LSM4: variants seen among roughly 807,000 people sequenced by gnomAD.
The protein encoded by LSM4 is U6 snRNA-associated Sm-like protein LSm4.
In LSM4, 15 loss-of-function variants were observed where a neutral mutation model predicts 22.3. That is an observed-to-expected ratio of 0.67 (90% CI 0.45 to 1.03). The LOEUF (loss-of-function observed/expected upper bound fraction) is 1.03, where lower values mean the gene tolerates loss of function less well. LSM4 is among the 50% of genes least tolerant of loss of function. LSM4 has a pLI of 0.00. For missense variants in LSM4, 127 were observed against 198.0 expected (o/e 0.64, Z 2.15); for synonymous variants, 90 against 79.8 (o/e 1.13, Z -0.68).
In LSM4 at chr19:18,312,714, AC is replaced by A; in HGVS notation, c.46-13del. 1 of 1,606,680 alleles carries A rather than the reference AC, an allele frequency of 6.2e-7. No individual in the cohort carries two copies. Among genetic ancestry groups the A allele is most frequent in the South Asian group, 1.1e-5 (1 of 90,948 alleles). ...TTCAGCTCCACCAACTAGAAGAGAG[AC>A]AGGCTAGAGGTTGGCTGTAGCCCTG... On this transcript the variant is annotated splice_polypyrimidine_tract_variant and intron_variant, in intron 2 of 4. Transcript: ENST00000593829.
rs199866051 is a variant in LSM4, at chr19:18,312,583, G to A, written c.144+21C>T. 6.6e-5 allele frequency: 105 copies of A among 1,597,486 alleles called. No individual in the cohort carries two copies. The African/African-American group carries it at 7.9e-4, about 12-fold the overall frequency. ...TGTGCACCCCCTGCATCCCACCCCC[G>A]TTGGTGGGTGCAGCACCCACCCTGG... On this transcript the variant is annotated intron_variant, in intron 3 of 4. Coordinates refer to ENST00000593829, the MANE Select transcript of LSM4 (RefSeq NM_012321.5).
chr19:18,313,154 G>T (rs190065838), intron 2 of LSM4, among the ~76,000 whole-genome samples: 1 of 151,688 alleles, frequency 6.6e-6, no homozygotes, highest in East Asian at 1.9e-4. Context: ...AGGAGGCGGA[G>T]GTTGCAGTGA....
At chr19:18,320,776 AC>A (rs1970417177) in intron 1 of LSM4, among the ~76,000 whole-genome samples, 1 of 152,190 alleles carries the variant, frequency 6.6e-6, no homozygotes, top group Admixed American at 6.6e-5. Flanking sequence ...AGCCTGGGCG[AC>A]AGAACAAGAC....
intron 1 of LSM4, among the ~76,000 whole-genome samples, chr19:18,318,538 C>T (rs1970385685): frequency 6.6e-6 from 1 of 152,272 alleles, no homozygotes; most frequent in Non-Finnish European, 1.5e-5. Flanking sequence ...CAGACTGGCA[C>T]ACGGGTCTCA....
chr19:18,319,940 T>G (rs1436112938), intron 1 of LSM4, among the ~76,000 whole-genome samples: 1 of 152,160 alleles, frequency 6.6e-6, no homozygotes, highest in Non-Finnish European at 1.5e-5. Flanking sequence ...TGAGAGGGAC[T>G]CGGTAAATAT....
rs1317611812 is a variant in LSM4, at chr19:18,316,176, A to T, written c.4-111T>A. ...TGGTGCGGTGCGGTTGAGGGGGCAC[A>T]GGAGTGCGTGTCAATCACCCCCCAC... On this transcript the variant is annotated intron_variant, in intron 1 of 4. Transcript: ENST00000593829. 4 of 901,222 alleles carry T rather than the reference A, an allele frequency of 4.4e-6. No individual in the cohort carries two copies. The Admixed American group carries it at 8.6e-5, about 19-fold the overall frequency. 55.8% of individuals were successfully genotyped at this position (901,222 alleles called of 1,614,324 possible). A position where few individuals can be genotyped will look rare whatever the true frequency, so the allele number is the denominator to read the frequency against.
intron 2 of LSM4, among the ~76,000 whole-genome samples, chr19:18,313,556 T>C (rs1484627713): frequency 6.6e-6 from 1 of 152,242 alleles, no homozygotes; most frequent in African/African-American, 2.4e-5. Context: ...CTTGCTCTGT[T>C]GCCCAGGCTG....
Position 18,318,368 on chromosome 19 carries a change from C to T in LSM4, c.4-2303G>A, listed in dbSNP as rs190354790. ...GTGCCAGCAGGAAGCCAGGCCCAAG[C>T]CCACTTCCTGCACCGGCTTCCTGGA... On this transcript the variant is annotated intron_variant, in intron 1 of 4. Transcript: ENST00000593829. Among the ~76,000 whole-genome samples, 148 of 152,332 alleles carry T rather than the reference C, an allele frequency of 9.7e-4. 1 individual carries two copies. Among genetic ancestry groups the T allele is most frequent in the African/African-American group, 3.4e-3 (141 of 41,574 alleles).
chr19:18,314,826 C>A (rs1970336870), intron 2 of LSM4, among the ~76,000 whole-genome samples: 1 of 152,086 alleles, frequency 6.6e-6, no homozygotes, highest in Non-Finnish European at 1.5e-5. Flanking sequence ...GGTTACACAA[C>A]CTGTGACTGC....
intron 1 of LSM4, among the ~76,000 whole-genome samples, chr19:18,317,371 C>T (rs1970368006): frequency 6.7e-6 from 1 of 149,674 alleles, no homozygotes; most frequent in Non-Finnish European, 1.5e-5. Flanking sequence ...CTCGCTCTGT[C>T]GCCCAGGCTG....
chr19:18,310,000 A>T, intron 3 of LSM4, 139 bp from the exon 4 acceptor site: 1 of 778,752 alleles, frequency 1.3e-6, no homozygotes, highest in Non-Finnish European at 2.0e-6. Context: ...GTCCCGGGAC[A>T]TACGTGGCAA....
At chr19:18,307,784 TGCG>T (rs1970246566) in intron 4 of LSM4, among the ~76,000 whole-genome samples, 1 of 37,454 alleles carries the variant, frequency 2.7e-5, no homozygotes, top group East Asian at 8.8e-4. Flanking sequence ...CCCCCAGGGA[TGCG>T]GGGGGGGGGG....
At chr19:18,309,927 G>C in intron 3 of LSM4, 66 bp from the exon 4 acceptor site, 5 of 1,526,386 alleles carry the variant, frequency 3.3e-6, no homozygotes, top group Non-Finnish European at 2.7e-6. Context: ...TGGGAGCGCG[G>C]GAGGCCCTGC....
At chr19:18,310,362 T>A (rs1479901225) in intron 3 of LSM4, 1 of 166,000 alleles carries the variant, frequency 6.0e-6, no homozygotes, top group Admixed American at 6.4e-5. Flanking sequence ...AAGTATCTCC[T>A]GACAGGGCCT....
intron 1 of LSM4, among the ~76,000 whole-genome samples, chr19:18,321,033 A>G (rs780158179): frequency 2.0e-5 from 3 of 151,722 alleles, no homozygotes; most frequent in Non-Finnish European, 2.9e-5. Context: ...AACCTAGGCC[A>G]CTCCTTCTGG....
Position 18,310,722 on chromosome 19 carries a change from C to T in LSM4, c.145-861G>A, listed in dbSNP as rs138646651. On this transcript the variant is annotated intron_variant, in intron 3 of 4. Transcript: ENST00000593829. ...CCCGATGCCCTTTAAAGTCAGATCA[C>T]AGTATGTTCCAGCTTGGAACCCACC... Among the ~76,000 whole-genome samples, 25 of 152,232 alleles carry T rather than the reference C, an allele frequency of 1.6e-4. No individual in the cohort carries two copies. The East Asian group carries it at 4.9e-3, about 30-fold the overall frequency.
At chr19:18,309,407 C>A in intron 4 of LSM4, 1 of 506,106 alleles carries the variant, frequency 2.0e-6, no homozygotes, top group Non-Finnish European at 3.5e-6. Flanking sequence ...CAGATGGGCA[C>A]CACCATACCC....
chr19:18,312,556 A>T (rs1458935154), intron 3 of LSM4, 48 bp downstream of exon 3: 1 of 1,494,602 alleles, frequency 6.7e-7, no homozygotes, highest in East Asian at 2.3e-5. Context: ...GAGGAGGCTG[A>T]GTGTGCACCC....
intron 2 of LSM4, among the ~76,000 whole-genome samples, chr19:18,314,388 G>T (rs1370640743): frequency 6.6e-6 from 1 of 151,842 alleles, no homozygotes; most frequent in Non-Finnish European, 1.5e-5. Context: ...TTAGCCAGGC[G>T]TGGTGGCGTG....
Sources: allele counts gnomAD v4.1 joint callset (sites outside exome capture counted in the v4.1 genomes callset), GRCh38; gene constraint gnomAD v4.1.1; transcripts MANE v1.5; gene names NCBI Gene and HGNC (gene_info 2026-07-23, HGNC 2026-07-21).